The following VDAC1 variants were observed in gnomAD, a reference collection of about 807,000 sequenced individuals.
VDAC1 encodes non-selective voltage-gated ion channel VDAC1.
In VDAC1, 10 loss-of-function variants were observed where a neutral mutation model predicts 34.7. The observed-to-expected ratio is 0.29, with a 90% CI of 0.18 to 0.49. The LOEUF is 0.49. Among genes scored for constraint, VDAC1 ranks in the 20% least tolerant of loss-of-function variants. VDAC1 has a pLI of 0.99. For synonymous variants in VDAC1, 130 were observed against 136.0 expected (o/e 0.96, Z 0.30); for missense variants, 230 against 347.9 (o/e 0.66, Z 2.69).
At chr5:134,007,305 C>T (rs1487210598), upstream of VDAC1, among the ~76,000 whole-genome samples, 1 of 151,782 alleles carries the variant, frequency 6.6e-6, no homozygotes, top group East Asian at 1.9e-4. Flanking sequence ...CTCAGAGGCA[C>T]ATGTGGGTAA....
chr5:134,014,218 C>T, the VDAC1 span, among the ~76,000 whole-genome samples: 13 of 142,756 alleles, frequency 9.1e-5, no homozygotes, highest in African/African-American at 1.3e-4. Context: ...GAATCCGGGG[C>T]GGTGGAGGTT....
chr5:133,998,062 C>T (rs1295588355), intron 1 of VDAC1, among the ~76,000 whole-genome samples: 4 of 142,822 alleles, frequency 2.8e-5, no homozygotes, highest in Non-Finnish European at 4.5e-5. Context: ...AGTAAAACTC[C>T]GTCTCGAAAC....
chr5:134,032,991 C>T, the VDAC1 span, among the ~76,000 whole-genome samples: 1 of 151,528 alleles, frequency 6.6e-6, no homozygotes, highest in South Asian at 2.1e-4. Flanking sequence ...CCTCTGCACT[C>T]CAGCCTGGGG....
At chr5:134,007,722 A>T (rs1347996301), upstream of VDAC1, among the ~76,000 whole-genome samples, 1 of 152,200 alleles carries the variant, frequency 6.6e-6, no homozygotes, top group South Asian at 2.1e-4. Flanking sequence ...TGGGTCTGGC[A>T]TCCCTGTCGG....
chr5:134,060,494 A>G, the VDAC1 span, among the ~76,000 whole-genome samples: 9 of 151,990 alleles, frequency 5.9e-5, no homozygotes, highest in Non-Finnish European at 1.0e-4. Context: ...TACACTTGTG[A>G]ATAGACATAT....
the VDAC1 span, among the ~76,000 whole-genome samples, chr5:134,110,442 C>T: frequency 6.6e-6 from 1 of 152,212 alleles, no homozygotes; most frequent in African/African-American, 2.4e-5. Flanking sequence ...ATTGTGTGTG[C>T]TTGCCTTTCT....
the VDAC1 span, among the ~76,000 whole-genome samples, chr5:134,056,012 G>T: frequency 6.6e-6 from 1 of 151,930 alleles, no homozygotes; most frequent in East Asian, 2.0e-4. Flanking sequence ...GCTGAGGCAG[G>T]TGAATCACCT....
chr5:134,054,489 C>G, the VDAC1 span, among the ~76,000 whole-genome samples: 1 of 111,526 alleles, frequency 9.0e-6, no homozygotes, highest in Non-Finnish European at 1.7e-5. Flanking sequence ...TTGATGGAGT[C>G]TCGCTCTGTT....
the VDAC1 span, among the ~76,000 whole-genome samples, chr5:134,032,618 C>T: frequency 6.6e-6 from 1 of 152,070 alleles, no homozygotes; most frequent in Non-Finnish European, 1.5e-5. Flanking sequence ...GAGTAGTATG[C>T]AGCTATAAAT....
Position 133,982,542 on chromosome 5 carries a change from C to G in VDAC1, c.324-1586G>C, listed in dbSNP as rs183590690. ...AAAAAAAAAAAGAATTATAATAACG[C>G]TCAAATCACATAGCTGTCATCTTTA... On this transcript the variant is annotated intron_variant, in intron 5 of 8. Transcript: ENST00000265333. Among the ~76,000 whole-genome samples, 286 of 150,900 alleles carry G rather than the reference C, an allele frequency of 1.9e-3. 3 individuals are homozygous for G. Among genetic ancestry groups the G allele is most frequent in the Admixed American group, 8.8e-3 (133 of 15,122 alleles).
At chr5:134,086,302 C>A in the VDAC1 span, among the ~76,000 whole-genome samples, 1 of 152,220 alleles carries the variant, frequency 6.6e-6, no homozygotes, top group Non-Finnish European at 1.5e-5. Flanking sequence ...AACACAGGGC[C>A]TGTTCCTACT....
the VDAC1 span, among the ~76,000 whole-genome samples, chr5:134,060,880 C>CTTTTTTTTTTTTTTTTTT: frequency 6.2e-4 from 61 of 98,658 alleles, 1 homozygote; most frequent in Middle Eastern, 8.1e-3. Context: ...TCTTCTTCTT[C>CTTTTTTTTTTTTTTTTTT]TTTTTTTTTT....
At chr5:134,007,867 C>T (rs540697638), upstream of VDAC1, among the ~76,000 whole-genome samples, 5 of 152,272 alleles carry the variant, frequency 3.3e-5, no homozygotes, top group South Asian at 1.0e-3. Context: ...ACTTCAATAA[C>T]CCCACTTGAG....
the VDAC1 span, among the ~76,000 whole-genome samples, chr5:134,067,608 T>C: frequency 8.2e-6 from 1 of 122,340 alleles, no homozygotes. Context: ...GAAGCTCTCT[T>C]TTTTAAAAAA....
At chr5:133,982,608 G>A (rs1050102756) in intron 5 of VDAC1, among the ~76,000 whole-genome samples, 14 of 152,034 alleles carry the variant, frequency 9.2e-5, no homozygotes, top group Non-Finnish European at 1.6e-4. Flanking sequence ...AACAGCAAAA[G>A]GCCAGGTGCG....
chr5:133,979,321 T>C (rs1752596168), intron 6 of VDAC1, among the ~76,000 whole-genome samples: 1 of 152,034 alleles, frequency 6.6e-6, no homozygotes, highest in Non-Finnish European at 1.5e-5. Flanking sequence ...ATCAGAATTC[T>C]ACGTTCAAAA....
intron 1 of VDAC1, among the ~76,000 whole-genome samples, 158 bp from the exon 2 acceptor site, chr5:133,993,176 C>T (rs1753169889): frequency 6.6e-6 from 1 of 152,222 alleles, no homozygotes; most frequent in African/African-American, 2.4e-5. Context: ...GAAGCCCTTG[C>T]TGTCTTGTCC....
the VDAC1 span, among the ~76,000 whole-genome samples, chr5:134,028,624 GC>G: frequency 1.3e-5 from 2 of 152,110 alleles, no homozygotes; most frequent in African/African-American, 4.8e-5. Flanking sequence ...AATTCCTCTG[GC>G]CTGGCATTGC....
chr5:134,065,133 C>G, the VDAC1 span, among the ~76,000 whole-genome samples: 1 of 151,806 alleles, frequency 6.6e-6, no homozygotes, highest in Non-Finnish European at 1.5e-5. Flanking sequence ...TTTTCTTTCT[C>G]TAATGTATTC....
Sources: allele counts gnomAD v4.1 joint callset (sites outside exome capture counted in the v4.1 genomes callset), GRCh38; gene constraint gnomAD v4.1.1; transcripts MANE v1.5; gene names NCBI Gene and HGNC (gene_info 2026-07-23, HGNC 2026-07-21).